Variants in PGBD2 observed in about 807,000 individuals in gnomAD.
The protein encoded by PGBD2 is piggyBac transposable element derived 2, also known as piggyBac transposable element-derived protein 2.
PGBD2 carries 6 observed loss-of-function variants against 8.1 expected under a neutral mutation model. The observed-to-expected ratio is 0.74, with a 90% CI of 0.40 to 1.46. The LOEUF (loss-of-function observed/expected upper bound fraction) is 1.46, where lower values mean the gene tolerates loss of function less well. Ranked by LOEUF, PGBD2 falls within the 40% of genes most tolerant of loss-of-function variation. The pLI, the probability that PGBD2 is intolerant of heterozygous loss-of-function variation, is 0.02. For missense variants in PGBD2, 802 were observed against 739.0 expected, an observed-to-expected ratio of 1.09 and a Z score of -0.99; for synonymous variants, 318 against 272.2, an observed-to-expected ratio of 1.17 and a Z score of -1.66.
At chr1:248,906,763 G>A (rs1274124071) in intron 1 of PGBD2, among the ~76,000 whole-genome samples, 1 of 151,996 alleles carries the variant, frequency 6.6e-6, no homozygotes, top group African/African-American at 2.4e-5. Context: ...GTGCCGGGGC[G>A]CGCTGGGGGC....
rs776679936 is a variant in PGBD2 at position 248,917,732 on chromosome 1, C to A, written c.1148C>A (p.Pro383His). The change falls in exon 3 of 3, where the codon CCC becomes CAC. Residue 383 changes from proline (P) to histidine (H), a missense_variant. Coordinates refer to ENST00000329291, the MANE Select transcript of PGBD2 (RefSeq NM_170725.3). ...CGTGAGTACAGGACTGAGCGATGTC[C>A]CCTAAAAGACCCCAAAGAACTGAAA... ...TVREYRTERC[P>H]LKDPKELKKM... 1.9e-6 allele frequency: 3 copies of A among 1,614,100 alleles called. No homozygotes were observed. Among genetic ancestry groups the A allele is most frequent in the East Asian group, 4.5e-5 (2 of 44,882 alleles).
chr1:248,915,299 G>A (rs897975644), intron 2 of PGBD2, among the ~76,000 whole-genome samples: 2 of 152,216 alleles, frequency 1.3e-5, no homozygotes, highest in Non-Finnish European at 2.9e-5. Flanking sequence ...CCCACTTAGC[G>A]TGGTTCAACT....
At chr1:248,877,993 C>G in the PGBD2 span, among the ~76,000 whole-genome samples, 1,214 of 152,274 alleles carry the variant, frequency 8.0e-3, 14 homozygotes, top group African/African-American at 0.028. Flanking sequence ...AGTGTGGTAA[C>G]AAACCTAGGT....
the PGBD2 span, among the ~76,000 whole-genome samples, chr1:248,897,616 G>C: frequency 6.6e-6 from 1 of 152,170 alleles, no homozygotes. Flanking sequence ...GCAGCTGCTC[G>C]GGAAGGCACA....
At chr1:248,920,821 T>G (rs191172980), downstream of PGBD2, among the ~76,000 whole-genome samples, 7 of 152,342 alleles carry the variant, frequency 4.6e-5, no homozygotes, top group African/African-American at 7.2e-5. Flanking sequence ...TCCTGACTTG[T>G]TAATGATCGC....
At chr1:248,873,803 G>C in the PGBD2 span, among the ~76,000 whole-genome samples, 1 of 152,224 alleles carries the variant, frequency 6.6e-6, no homozygotes. Flanking sequence ...CGGCAGGCTG[G>C]CACCAGCGGA....
At chr1:248,916,077 G>A (rs897108160) in intron 2 of PGBD2, among the ~76,000 whole-genome samples, 4 of 152,154 alleles carry the variant, frequency 2.6e-5, no homozygotes, top group East Asian at 1.9e-4. Context: ...GGTAAGACCC[G>A]TTTATTCCGT....
downstream of PGBD2, among the ~76,000 whole-genome samples, chr1:248,922,743 A>G (rs1036858098): frequency 4.7e-4 from 72 of 152,136 alleles, no homozygotes; most frequent in African/African-American, 1.6e-3. Flanking sequence ...GGTTCTGTTT[A>G]TGTGGTGGAT....
chr1:248,875,316 A>C, the PGBD2 span, among the ~76,000 whole-genome samples: 1 of 148,774 alleles, frequency 6.7e-6, no homozygotes, highest in Non-Finnish European at 1.5e-5. Context: ...AACAAAAAAA[A>C]AAAAAAAAAA....
chr1:248,873,994 A>G, the PGBD2 span, among the ~76,000 whole-genome samples: 1 of 152,218 alleles, frequency 6.6e-6, no homozygotes, highest in Non-Finnish European at 1.5e-5. Context: ...TCCCCGGAAG[A>G]AACCCCAGAA....
chr1:248,911,660 G>T (rs548520369), intron 1 of PGBD2, among the ~76,000 whole-genome samples: 2 of 148,338 alleles, frequency 1.3e-5, no homozygotes, highest in African/African-American at 2.6e-5. Flanking sequence ...GCGGCTGGCC[G>T]GGCAGAGGGG....
At chr1:248,924,502 C>A (rs1230887127), downstream of PGBD2, among the ~76,000 whole-genome samples, 1 of 152,100 alleles carries the variant, frequency 6.6e-6, no homozygotes, top group Admixed American at 6.5e-5. Flanking sequence ...TTCTCAATTT[C>A]ATTAAATTAA....
At chr1:248,909,297 T>C (rs968714605) in intron 1 of PGBD2, among the ~76,000 whole-genome samples, 1 of 152,204 alleles carries the variant, frequency 6.6e-6, no homozygotes, top group African/African-American at 2.4e-5. Context: ...TTCTTGCGTA[T>C]GTATCCCCCT....
At chr1:248,882,551 G>A in the PGBD2 span, among the ~76,000 whole-genome samples, 1 of 152,164 alleles carries the variant, frequency 6.6e-6, no homozygotes, top group Non-Finnish European at 1.5e-5. Context: ...TTCTCAGAAG[G>A]GAGTATGCCT....
chr1:248,873,680 A>G, the PGBD2 span, among the ~76,000 whole-genome samples: 2 of 151,834 alleles, frequency 1.3e-5, no homozygotes, highest in Admixed American at 6.6e-5. Context: ...GCTATCGGCC[A>G]CTCCTGGCTG....
the PGBD2 span, among the ~76,000 whole-genome samples, chr1:248,888,443 C>G: frequency 2.6e-5 from 4 of 152,174 alleles, no homozygotes; most frequent in Non-Finnish European, 5.9e-5. Flanking sequence ...CTCATTCTGA[C>G]TGGTGTGAGA....
At chr1:248,874,317 A>G in the PGBD2 span, among the ~76,000 whole-genome samples, 152,321 of 152,336 alleles carry the variant, frequency 1, 76,153 homozygotes, top group Middle Eastern at 1. Flanking sequence ...CCCGGTCAGG[A>G]AAGTAAGCCG....
At position 248,916,939 on chromosome 1, in the gene PGBD2, C is replaced by G. The variant is rs1245172797; in HGVS notation, c.355C>G (p.Pro119Ala). Residue 119 changes from proline to alanine, a missense_variant, in exon 3 of 3, where the codon CCA (proline) becomes GCA (alanine). By Grantham distance (27) the Pro-to-Ala change is conservative (BLOSUM62 -1). Transcript: ENST00000329291. The part of the protein sequence containing the change: ...QRIWTKRDIR[P>A]DFGSWTASDP... ...CATTTGGACCAAAAGAGATATTCGT[C>G]CAGACTTTGGCAGTTGGACTGCATC... is the stretch of plus-strand genomic sequence containing the variant. 1 of 1,613,686 alleles carries G rather than the reference C, an allele frequency of 6.2e-7. No homozygotes were observed. The highest frequency in any genetic ancestry group is 1.1e-5 in the South Asian group (1 of 91,020).
the PGBD2 span, among the ~76,000 whole-genome samples, chr1:248,873,825 G>C: frequency 1.1e-4 from 17 of 152,348 alleles, no homozygotes; most frequent in Admixed American, 7.8e-4. Flanking sequence ...ACAAGTATGA[G>C]GCTAAGTGAG....
Sources: gnomAD v4.1 joint callset for allele counts (sites outside exome capture counted in the v4.1 genomes callset) on GRCh38, gnomAD v4.1.1 for gene constraint, MANE v1.5 for transcripts, NCBI Gene and HGNC (gene_info 2026-07-23, HGNC 2026-07-21) for gene names.